The following SHF variants were observed in gnomAD, a reference collection of about 807,000 sequenced individuals.
The protein encoded by SHF is Src homology 2 domain containing F, also known as SH2 domain-containing adapter protein F.
SHF carries 30 observed loss-of-function variants against 42.4 expected under a neutral mutation model. The ratio of observed to expected loss-of-function variants is 0.71; its 90% CI spans 0.53 to 0.96. The LOEUF (loss-of-function observed/expected upper bound fraction) is 0.96. Among genes scored for constraint, SHF ranks in the 40% least tolerant of loss-of-function variants. SHF has a pLI of 0.00. For synonymous variants in SHF, 264 were observed against 269.9 expected (o/e 0.98, Z 0.21); for missense variants, 598 against 634.0 (o/e 0.94, Z 0.61).
chr15:45,199,219 C>T (rs985421981), intron 1 of SHF: 33 of 836,150 alleles, frequency 3.9e-5, no homozygotes, highest in Non-Finnish European at 5.5e-5. Context: ...CCTGACAGCC[C>T]TGACTCCTCC....
At chr15:45,172,901 T>C (rs1430771780) in intron 4 of SHF, among the ~76,000 whole-genome samples, 2 of 150,742 alleles carry the variant, frequency 1.3e-5, no homozygotes, top group Non-Finnish European at 3.0e-5. Flanking sequence ...GCAGCACCTC[T>C]GCCCTCCCAG....
At chr15:45,198,887 A>G in exon 2 of SHF, 3 of 1,613,940 alleles carry the variant, frequency 1.9e-6, no homozygotes, top group Non-Finnish European at 2.5e-6. Flanking sequence ...TGATGATGAG[A>G]TGGGCTCCCG....
At chr15:45,169,842 C>T (rs532077609) in intron 6 of SHF, among the ~76,000 whole-genome samples, 10 of 152,356 alleles carry the variant, frequency 6.6e-5, no homozygotes, top group African/African-American at 2.4e-4. Flanking sequence ...TTGCCAGACC[C>T]TCAGGGTACT....
At chr15:45,179,972 T>C (rs1485261010) in intron 1 of SHF, among the ~76,000 whole-genome samples, 1 of 152,142 alleles carries the variant, frequency 6.6e-6, no homozygotes, top group East Asian at 1.9e-4. Flanking sequence ...TCCACCTTGC[T>C]ATTCCCTCTG....
chr15:45,192,149 C>T (rs1023760195), upstream of SHF, among the ~76,000 whole-genome samples: 6 of 151,918 alleles, frequency 3.9e-5, no homozygotes, highest in Non-Finnish European at 7.4e-5. Context: ...AGATCATTAT[C>T]ACATTTAGGA....
upstream of SHF, among the ~76,000 whole-genome samples, chr15:45,188,343 C>G (rs1898586245): frequency 6.6e-6 from 1 of 152,220 alleles, no homozygotes; most frequent in Non-Finnish European, 1.5e-5. Flanking sequence ...GGGAGCCTTA[C>G]GCCTCTCCTC....
intron 2 of SHF, among the ~76,000 whole-genome samples, chr15:45,176,701 G>A (rs1897829788): frequency 6.6e-6 from 1 of 152,038 alleles, no homozygotes; most frequent in Admixed American, 6.6e-5. Flanking sequence ...TCCAAAGCTA[G>A]TAGTTCTTTT....
chr15:45,167,957 C>T lies in SHF; in HGVS notation c.1457G>A (p.Arg486Gln), dbSNP rs1334708681. ...GCCCTGGCTTCACATCTAAAGAGTC[C>T]GGATGGCCACAGGGTAGAGCAGGGA... ...HMSLLYPVAI[R>Q]TL The change falls in exon 7 of 7, where the codon CGG becomes CAG. Residue 486 changes from arginine (R) to glutamine (Q), a missense_variant. Transcript: ENST00000690270. 3 of 1,605,068 alleles carry T rather than the reference C, an allele frequency of 1.9e-6. No individual in the cohort carries two copies. Among genetic ancestry groups the T allele is most frequent in the African/African-American group, 2.7e-5 (2 of 74,836 alleles).
At position 45,167,440 on chromosome 15, in the gene SHF, C is replaced by G. The variant is rs1225903217; in HGVS notation, c.*507G>C. ...CCCCTCCCCTTCTCTCCCCACCCCC[C>G]AAAGCCGGCTGCTTCCCAGGGGCCT... is the stretch of plus-strand genomic sequence containing the variant. On this transcript the variant is annotated 3_prime_UTR_variant, in exon 7 of 7. Coordinates refer to ENST00000690270, the MANE Select transcript of SHF (RefSeq NM_001394037.1). 1 of 152,902 alleles carries G rather than the reference C, an allele frequency of 6.5e-6. No homozygotes were observed. The highest frequency in any genetic ancestry group is 1.5e-5 in the Non-Finnish European group (1 of 68,582). The allele number at this position is 152,902 out of a possible 1,614,324, so 9.5% of individuals were successfully genotyped here.
At chr15:45,200,878 G>A (rs1263256934) in exon 1 of SHF, 8 of 456,184 alleles carry the variant, frequency 1.8e-5, no homozygotes, top group Non-Finnish European at 3.5e-5. Flanking sequence ...CCATTCGGGC[G>A]TCCTCAGGGG....
intron 1 of SHF, among the ~76,000 whole-genome samples, chr15:45,186,489 A>G (rs1228526482): frequency 1.3e-5 from 2 of 152,264 alleles, no homozygotes; most frequent in Non-Finnish European, 2.9e-5. Flanking sequence ...GAGCCAAGGC[A>G]GCCCACAGAG....
chr15:45,191,831 G>C (rs544992869), upstream of SHF, among the ~76,000 whole-genome samples: 1 of 151,386 alleles, frequency 6.6e-6, no homozygotes, highest in Admixed American at 6.6e-5. Flanking sequence ...GTTGAAGCCT[G>C]TAATTCCAGC....
upstream of SHF, among the ~76,000 whole-genome samples, chr15:45,188,917 G>A (rs1898613216): frequency 6.6e-6 from 1 of 152,164 alleles, no homozygotes; most frequent in Non-Finnish European, 1.5e-5. Context: ...TTCCGGCTGG[G>A]CGCGGTGGCT....
chr15:45,194,947 G>C (rs909087410), intron 2 of SHF, among the ~76,000 whole-genome samples: 1 of 152,098 alleles, frequency 6.6e-6, no homozygotes, highest in Non-Finnish European at 1.5e-5. Flanking sequence ...TCCCACCTCA[G>C]CTGCTCCAAT....
At chr15:45,178,804 A>G (rs1310536016) in intron 1 of SHF, among the ~76,000 whole-genome samples, 2 of 152,132 alleles carry the variant, frequency 1.3e-5, no homozygotes, top group African/African-American at 4.8e-5. Flanking sequence ...AAGTGCTGGG[A>G]TTACAGGCGT....
chr15:45,188,101 T>C, upstream of SHF: 1 of 315,852 alleles, frequency 3.2e-6, no homozygotes, highest in East Asian at 5.8e-5. Flanking sequence ...AACAGGGTCT[T>C]CCTCCTCCCG....
chr15:45,182,810 C>T (rs1480550680), intron 1 of SHF, among the ~76,000 whole-genome samples: 5 of 152,198 alleles, frequency 3.3e-5, no homozygotes, highest in Admixed American at 1.3e-4. Flanking sequence ...TTACCTTCCT[C>T]GAGATCAAAC....
intron 6 of SHF, among the ~76,000 whole-genome samples, chr15:45,169,535 G>A (rs1897366429): frequency 6.6e-6 from 1 of 152,214 alleles, no homozygotes; most frequent in Non-Finnish European, 1.5e-5. Flanking sequence ...GTGGGTGGTG[G>A]AGAGGGGAGG....
intron 1 of SHF, among the ~76,000 whole-genome samples, chr15:45,184,048 G>A (rs999889806): frequency 1.3e-5 from 2 of 152,192 alleles, no homozygotes; most frequent in Admixed American, 6.5e-5. Context: ...CAGACTCTGT[G>A]GAAGTCTTAA....
Sources: gnomAD v4.1 joint callset for allele counts (sites outside exome capture counted in the v4.1 genomes callset) on GRCh38, gnomAD v4.1.1 for gene constraint, MANE v1.5 for transcripts, NCBI Gene and HGNC (gene_info 2026-07-23, HGNC 2026-07-21) for gene names.